ADGRB3: variants seen among roughly 807,000 people sequenced by gnomAD.
ADGRB3 encodes the protein adhesion G protein-coupled receptor B3.
Under a neutral mutation model 193.4 loss-of-function variants are expected in ADGRB3, and 37 were observed. The ratio of observed to expected loss-of-function variants is 0.19; its 90% confidence interval spans 0.15 to 0.25. ADGRB3 has a LOEUF of 0.25. Ranked by LOEUF, ADGRB3 falls within the 10% of genes least tolerant of loss-of-function variation. The pLI is 1.00. For missense variants in ADGRB3, 1,637 were observed against 1,852.9 expected (o/e 0.88, Z 2.14); for synonymous variants, 690 against 644.2 (o/e 1.07, Z -1.08).
chr6:69,359,956 A>T (rs569191722), intron 28 of ADGRB3, among the ~76,000 whole-genome samples: 1 of 151,856 alleles, frequency 6.6e-6, no homozygotes, highest in Non-Finnish European at 1.5e-5. Flanking sequence ...TATCCCCAAA[A>T]CATGGCTTTC....
chr6:68,897,864 A>T (rs6922823), intron 3 of ADGRB3, among the ~76,000 whole-genome samples: 1 of 138,304 alleles, frequency 7.2e-6, no homozygotes, highest in Non-Finnish European at 1.6e-5. Context: ...AACAAAAGAA[A>T]AAAGAAAGAA....
At position 69,130,578 on chromosome 6, in the gene ADGRB3, G is replaced by GC. The variant is rs559631574; in HGVS notation, c.2480+54546dup. On this transcript the variant is annotated intron_variant, in intron 17 of 31. Coordinates refer to ENST00000370598, the MANE Select transcript of ADGRB3 (RefSeq NM_001704.3). ...TTAGTCAATTCAAAATAGAAATTCA[G>GC]CCCCCCGACTGGGCTCCTTTTTTTT... Among the ~76,000 whole-genome samples, 6 of 150,312 alleles carry GC rather than the reference G, an allele frequency of 4.0e-5. No homozygotes were observed. In the East Asian group the frequency reaches 9.9e-4, roughly 25 times the overall value.
chr6:69,319,306 T>C (rs998765590), intron 20 of ADGRB3, among the ~76,000 whole-genome samples: 3 of 151,334 alleles, frequency 2.0e-5, no homozygotes, highest in African/African-American at 7.3e-5. Flanking sequence ...TTTCTAATTT[T>C]ATTAAATTGT....
intron 17 of ADGRB3, among the ~76,000 whole-genome samples, chr6:69,153,442 A>C (rs1774736161): frequency 6.6e-6 from 1 of 152,206 alleles, no homozygotes; most frequent in Non-Finnish European, 1.5e-5. Context: ...ATTGTAGAGT[A>C]ATAGGCTAAA....
chr6:68,828,945 G>T (rs753248383), intron 3 of ADGRB3, among the ~76,000 whole-genome samples: 1 of 151,930 alleles, frequency 6.6e-6, no homozygotes, highest in Non-Finnish European at 1.5e-5. Context: ...AAGGAAATTA[G>T]CTATTATCTT....
rs535229778 is a variant in ADGRB3 at position 68,969,597 on chromosome 6, G to T, written c.1526-5166G>T. Among the ~76,000 whole-genome samples, 3 of 152,218 alleles carry T rather than the reference G, an allele frequency of 2.0e-5. No homozygotes were observed. The South Asian group carries it at 6.2e-4, about 32-fold the overall frequency. On this transcript the variant is annotated intron_variant, in intron 8 of 31. Transcript: ENST00000370598. The stretch of plus-strand genomic sequence containing the variant: ...TCTTAGAGATTACTCTTTTGATGTG[G>T]CATGAAAATTGGATTAAGGGGGCAG...
chr6:69,152,669 A>G (rs1247552211), intron 17 of ADGRB3, among the ~76,000 whole-genome samples: 1 of 152,212 alleles, frequency 6.6e-6, no homozygotes, highest in Non-Finnish European at 1.5e-5. Flanking sequence ...AGAACTGAGT[A>G]TATGCTACTG....
At chr6:69,137,575 G>A (rs2150336560) in intron 17 of ADGRB3, among the ~76,000 whole-genome samples, 1 of 152,220 alleles carries the variant, frequency 6.6e-6, no homozygotes, top group East Asian at 1.9e-4. Context: ...TAGGTGGGCA[G>A]ATCACAAGGT....
At chr6:69,063,522 GA>G (rs1256573441) in intron 16 of ADGRB3, among the ~76,000 whole-genome samples, 1 of 151,952 alleles carries the variant, frequency 6.6e-6, no homozygotes, top group Non-Finnish European at 1.5e-5. Flanking sequence ...TGGTAGGAAA[GA>G]AAAAATTTAA....
intron 27 of ADGRB3, among the ~76,000 whole-genome samples, chr6:69,355,619 C>T (rs1769321351): frequency 6.6e-6 from 1 of 152,046 alleles, no homozygotes; most frequent in Admixed American, 6.6e-5. Context: ...TGCTATGTTT[C>T]CTTTGATTTT....
chr6:68,711,770 C>A (rs1260832790), intron 3 of ADGRB3, among the ~76,000 whole-genome samples: 2 of 152,064 alleles, frequency 1.3e-5, no homozygotes, highest in African/African-American at 4.8e-5. Context: ...ATACTCATGG[C>A]TTCAATCATC....
chr6:69,014,061 C>A lies in ADGRB3; in HGVS notation c.1953C>A (p.Asn651Lys), dbSNP rs1294270543. 1.5e-5 allele frequency: 24 copies of A among 1,598,326 alleles called. No individual in the cohort carries two copies. The highest frequency in any genetic ancestry group is 1.9e-5 in the Non-Finnish European group (22 of 1,169,544). ...GVQNFFQIVSNLLDEENKEKW... is the reference protein window; with the variant it reads ...GVQNFFQIVSKLLDEENKEKW... ...AGAACTTCTTTCAAATAGTTAGCAA[C>A]CTTCTAGATGAAGAAAACAAGGAAA... Residue 651 changes from asparagine (N) to lysine (K), a missense_variant, in exon 12 of 32, where the codon AAC becomes AAA. Around this residue, in one of 7 missense-constraint regions of ADGRB3, gnomAD observed 641 missense variants for 673.9 expected, o/e 0.95. Transcript: ENST00000370598.
At chr6:69,102,141 G>C (rs1773076148) in intron 17 of ADGRB3, among the ~76,000 whole-genome samples, 1 of 140,750 alleles carries the variant, frequency 7.1e-6, no homozygotes, top group African/African-American at 2.6e-5. Context: ...TGGCGCCACT[G>C]CACTCCAGCC....
chr6:69,019,254 C>A (rs1459739187), intron 13 of ADGRB3, among the ~76,000 whole-genome samples: 3 of 151,920 alleles, frequency 2.0e-5, no homozygotes, highest in Non-Finnish European at 4.4e-5. Context: ...GAATTATTTT[C>A]TTTCATTTGT....
intron 17 of ADGRB3, among the ~76,000 whole-genome samples, chr6:69,159,771 C>T (rs1187009215): frequency 6.6e-6 from 1 of 152,080 alleles, no homozygotes; most frequent in Non-Finnish European, 1.5e-5. Context: ...ATCATCTGCT[C>T]CTCTGAATTT....
chr6:69,014,722 G>A (rs1223579873), intron 12 of ADGRB3, among the ~76,000 whole-genome samples: 2 of 151,800 alleles, frequency 1.3e-5, no homozygotes, highest in Admixed American at 6.6e-5. Context: ...AGGAAAAGTG[G>A]GTTAGAAGTC....
chr6:69,076,291 G>A lies in ADGRB3; in HGVS notation c.2480+253G>A, dbSNP rs116298488. ...CACATTGCAATGTGAATTCCATGAG[G>A]AATTTTTAAAAGCTCTGATATTTTA... On this transcript the variant is annotated intron_variant, in intron 17 of 31. Coordinates refer to ENST00000370598, the MANE Select transcript of ADGRB3 (RefSeq NM_001704.3). 3.3e-3 allele frequency among the ~76,000 whole-genome samples: 495 copies of A among 152,192 alleles called. 2 individuals are homozygous for A. The highest frequency in any genetic ancestry group is 0.012 in the African/African-American group (479 of 41,552).
intron 27 of ADGRB3, among the ~76,000 whole-genome samples, 153 bp downstream of exon 27, chr6:69,354,481 A>T (rs1212446853): frequency 1.3e-5 from 2 of 152,192 alleles, no homozygotes; most frequent in Non-Finnish European, 2.9e-5. Context: ...CCACAGAAGT[A>T]TTATTTCCAG....
intron 20 of ADGRB3, among the ~76,000 whole-genome samples, chr6:69,310,951 T>A (rs1477638548): frequency 6.6e-6 from 1 of 151,734 alleles, no homozygotes; most frequent in Non-Finnish European, 1.5e-5. Flanking sequence ...TTCGGCCCAA[T>A]ATAGACTAAA....
Sources: gnomAD v4.1 joint callset for allele counts (sites outside exome capture counted in the v4.1 genomes callset) on GRCh38, gnomAD v4.1.1 for gene constraint, gnomAD v4.1.1 regional missense constraint, MANE v1.5 for transcripts, NCBI Gene and HGNC (gene_info 2026-07-23, HGNC 2026-07-21) for gene names.